Variants in DOCK1 observed in about 807,000 individuals in gnomAD.
The protein encoded by DOCK1 is dedicator of cytokinesis protein 1.
A neutral mutation model predicts 262.7 loss-of-function variants in DOCK1; 138 were observed. The ratio of observed to expected loss-of-function variants is 0.53; its 90% CI spans 0.46 to 0.61. The LOEUF (loss-of-function observed/expected upper bound fraction) is 0.61, where lower values mean the gene tolerates loss of function less well. Among genes scored for constraint, DOCK1 ranks in the 20% least tolerant of loss-of-function variants. The pLI is 0.00. For missense variants in DOCK1, 1,908 were observed against 2,370.7 expected, an observed-to-expected ratio of 0.80 and a Z score of 4.05; for synonymous variants, 866 against 867.4, an observed-to-expected ratio of 1.00 and a Z score of 0.03.
At chr10:127,308,515 C>T (rs2061954740) in intron 29 of DOCK1, among the ~76,000 whole-genome samples, 1 of 152,132 alleles carries the variant, frequency 6.6e-6, no homozygotes, top group Non-Finnish European at 1.5e-5. Context: ...TTTGCTGTAC[C>T]TATCAACCCA....
At chr10:127,133,200 T>G (rs556719794) in intron 27 of DOCK1, among the ~76,000 whole-genome samples, 1 of 152,314 alleles carries the variant, frequency 6.6e-6, no homozygotes, top group African/African-American at 2.4e-5. Flanking sequence ...GCTCCTTCAT[T>G]TGGAAAATGG....
chr10:127,048,016 T>C lies in DOCK1; in HGVS notation c.2202-4665T>C, dbSNP rs556256008. Among the ~76,000 whole-genome samples the C allele has an allele frequency of 7.9e-5, 12 of 152,344 alleles. No homozygotes were observed. In the East Asian group the frequency reaches 2.3e-3, roughly 29 times the overall value. On this transcript the variant is annotated intron_variant, in intron 21 of 51. Coordinates refer to ENST00000623213, the MANE Select transcript of DOCK1 (RefSeq NM_001290223.2). ...TTGGTGAAGTTTGTTTTTGTTTCCC[T>C]TGGATAAGCACCTAGCGGTAGAATT...
Position 127,190,693 on chromosome 10 carries a change from G to A in DOCK1, c.2848-57315G>A, listed in dbSNP as rs552996633. Among the ~76,000 whole-genome samples, 318 of 80,112 alleles carry A rather than the reference G, an allele frequency of 4.0e-3. 9 individuals are homozygous for A. The highest frequency in any genetic ancestry group is 0.012 in the Admixed American group (71 of 6,084). 52.6% of individuals were successfully genotyped at this position (80,112 alleles called of 152,430 possible). A position where few individuals can be genotyped will look rare whatever the true frequency, so the allele number is the denominator to read the frequency against. On this transcript the variant is annotated intron_variant, in intron 27 of 51. Coordinates refer to ENST00000623213, the MANE Select transcript of DOCK1 (RefSeq NM_001290223.2). ...CCCCCCCCCCCCCCCCGTTCCTGCTGGCTCCCAGATTTCTGTTGCCATTAA... is the reference window on the plus strand; with the variant it reads ...CCCCCCCCCCCCCCCCGTTCCTGCTAGCTCCCAGATTTCTGTTGCCATTAA...
At chr10:127,009,288 CCTAT>C (rs1289342927) in intron 11 of DOCK1, among the ~76,000 whole-genome samples, 2 of 152,060 alleles carry the variant, frequency 1.3e-5, no homozygotes, top group African/African-American at 4.8e-5. Flanking sequence ...TAGAGTGGAG[CCTAT>C]CTGTGTTCGT....
intron 29 of DOCK1, among the ~76,000 whole-genome samples, chr10:127,306,403 G>A (rs1053307712): frequency 2.8e-4 from 42 of 152,086 alleles, no homozygotes; most frequent in African/African-American, 9.4e-4. Context: ...TTAGGGATAG[G>A]TTTCCACGTT....
chr10:126,941,783 C>CAAAACA (rs1338338226), intron 1 of DOCK1, among the ~76,000 whole-genome samples: 7 of 151,102 alleles, frequency 4.6e-5, no homozygotes, highest in East Asian at 2.0e-4. Context: ...CAAAACAAAA[C>CAAAACA]AAAAAAAACA....
intron 29 of DOCK1, among the ~76,000 whole-genome samples, chr10:127,305,479 C>T (rs1192885166): frequency 6.6e-6 from 1 of 152,170 alleles, no homozygotes; most frequent in African/African-American, 2.4e-5. Flanking sequence ...ACACACATTG[C>T]TGGACCTTAA....
intron 29 of DOCK1, among the ~76,000 whole-genome samples, chr10:127,321,119 C>G (rs189642622): frequency 5.5e-4 from 83 of 152,252 alleles, no homozygotes; most frequent in African/African-American, 1.7e-3. Context: ...CTGTTAAGTG[C>G]TCTTGTCCAG....
At chr10:126,975,808 G>C (rs988450561) in intron 2 of DOCK1, among the ~76,000 whole-genome samples, 4 of 151,706 alleles carry the variant, frequency 2.6e-5, no homozygotes, top group Non-Finnish European at 5.9e-5. Context: ...AGTAGAGACG[G>C]GGTTTTGCCA....
chr10:126,951,185 G>A (rs1001666728), intron 1 of DOCK1, among the ~76,000 whole-genome samples: 5 of 151,890 alleles, frequency 3.3e-5, no homozygotes, highest in Non-Finnish European at 1.5e-5. Context: ...GGTGATAGTG[G>A]TGATGGTGGT....
At chr10:127,413,144 C>T (rs2067958469) in intron 43 of DOCK1, among the ~76,000 whole-genome samples, 1 of 152,190 alleles carries the variant, frequency 6.6e-6, no homozygotes, top group Non-Finnish European at 1.5e-5. Flanking sequence ...TTCCCTCACA[C>T]CTCTCCCATC....
At chr10:127,128,072 A>G (rs1179779173) in intron 27 of DOCK1, 2 of 183,196 alleles carry the variant, frequency 1.1e-5, no homozygotes, top group Non-Finnish European at 2.3e-5. Flanking sequence ...TGCCATTAAT[A>G]AAATTTTATG....
chr10:127,023,704 C>T (rs2042616278), intron 14 of DOCK1, among the ~76,000 whole-genome samples: 1 of 152,028 alleles, frequency 6.6e-6, no homozygotes, highest in Admixed American at 6.6e-5. Context: ...TACCAAGGTG[C>T]TGGGATTACA....
intron 27 of DOCK1, among the ~76,000 whole-genome samples, chr10:127,174,428 C>T (rs969212191): frequency 1.3e-5 from 2 of 152,174 alleles, no homozygotes; most frequent in Admixed American, 1.3e-4. Flanking sequence ...CTGGGGAGCT[C>T]AAGAACTAAA....
At chr10:127,050,684 A>C (rs1005927838) in intron 21 of DOCK1, among the ~76,000 whole-genome samples, 14 of 151,716 alleles carry the variant, frequency 9.2e-5, no homozygotes, top group Admixed American at 3.9e-4. Flanking sequence ...CCGCCTGGGC[A>C]ACAGAGCAAG....
chr10:127,023,140 T>C (rs970115107), intron 13 of DOCK1, 60 bp from the exon 14 acceptor site: 19 of 1,583,498 alleles, frequency 1.2e-5, no homozygotes, highest in African/African-American at 2.7e-5. Context: ...TCTTGCAAAA[T>C]TCACAATTAC....
chr10:127,327,149 C>T (rs534718224), intron 29 of DOCK1, among the ~76,000 whole-genome samples: 37 of 152,332 alleles, frequency 2.4e-4, no homozygotes, highest in Admixed American at 3.9e-4. Context: ...AACTTAAAGT[C>T]GCCAGCTGCC....
At chr10:127,038,368 C>T (rs923942871) in intron 19 of DOCK1, among the ~76,000 whole-genome samples, 6 of 152,176 alleles carry the variant, frequency 3.9e-5, no homozygotes, top group Admixed American at 2.0e-4. Context: ...GTGGGTTCTG[C>T]GTCCTCTTCC....
At chr10:127,078,525 T>C (rs1233664927) in intron 23 of DOCK1, among the ~76,000 whole-genome samples, 2 of 152,126 alleles carry the variant, frequency 1.3e-5, no homozygotes, top group Admixed American at 1.3e-4. Context: ...TGTCATAACA[T>C]GACATTCTGT....
Sources: allele counts gnomAD v4.1 joint callset (sites outside exome capture counted in the v4.1 genomes callset), GRCh38; gene constraint gnomAD v4.1.1; transcripts MANE v1.5; gene names NCBI Gene and HGNC (gene_info 2026-07-23, HGNC 2026-07-21).